CEP97: variants seen among roughly 807,000 people sequenced by gnomAD.
CEP97 encodes the protein centrosomal protein of 97 kDa.
A neutral mutation model predicts 73.1 loss-of-function variants in CEP97; 43 were observed. That is an observed-to-expected ratio of 0.59 (90% CI 0.46 to 0.76). The LOEUF is 0.76. Among genes scored for constraint, CEP97 ranks in the 30% least tolerant of loss-of-function variants. CEP97 has a pLI of 0.00. For synonymous variants in CEP97, 337 were observed against 370.0 expected (o/e 0.91, Z 1.02); for missense variants, 939 against 1,014.0 (o/e 0.93, Z 1.00).
rs1472766392 is a variant in CEP97 at position 101,766,789 on chromosome 3, CTA to C, written c.*1240_*1241del. 1 of 152,162 alleles carries C rather than the reference CTA, an allele frequency of 6.6e-6. No homozygotes were observed. The highest frequency in any genetic ancestry group is 2.4e-5 in the African/African-American group (1 of 41,426). 9.4% of individuals were successfully genotyped at this position (152,162 alleles called of 1,614,324 possible). On this transcript the variant is annotated 3_prime_UTR_variant, in exon 11 of 11. Coordinates refer to ENST00000341893, the MANE Select transcript of CEP97 (RefSeq NM_024548.4). ...CTTACAGACATACAGCTATTTAAAA[CTA>C]TGGCAATACTTAAGCATCTCTAAAT...
At chr3:101,730,698 T>C (rs1381404894) in intron 4 of CEP97, among the ~76,000 whole-genome samples, 1 of 152,074 alleles carries the variant, frequency 6.6e-6, no homozygotes, top group African/African-American at 2.4e-5. Context: ...TGGAGGGGAA[T>C]GTATCATGCA....
rs1379737523 is a variant in CEP97, at chr3:101,755,146, G to A, written c.729-284G>A. On this transcript the variant is annotated intron_variant, in intron 6 of 10. Transcript: ENST00000341893. The stretch of plus-strand genomic sequence containing the variant: ...CATTTCAGTGTGACAGAATGAATGG[G>A]GAGAATACTCATTGCTTCCTTGAAA... 4.6e-5 allele frequency among the ~76,000 whole-genome samples: 7 copies of A among 151,882 alleles called. No individual in the cohort carries two copies. The East Asian group carries it at 1.3e-3, about 29-fold the overall frequency.
At chr3:101,739,008 C>T (rs562592549) in intron 6 of CEP97, among the ~76,000 whole-genome samples, 7 of 152,220 alleles carry the variant, frequency 4.6e-5, no homozygotes, top group African/African-American at 1.7e-4. Flanking sequence ...CCGTTGATCC[C>T]ATAGAAATAC....
chr3:101,731,966 G>A lies in CEP97; in HGVS notation c.561+13G>A. 2 of 1,446,350 alleles carry A rather than the reference G, an allele frequency of 1.4e-6. No homozygotes were observed. Among genetic ancestry groups the A allele is most frequent in the Non-Finnish European group, 1.9e-6 (2 of 1,028,346 alleles). The allele number at this position is 1,446,350 out of a possible 1,614,324, so 89.6% of individuals were successfully genotyped here. ...AGACTTAAATGAGGTAAAATTTGAG[G>A]GTATTTTGTGAGATTCAGGAAGCTG... On this transcript the variant is annotated intron_variant, in intron 5 of 10. Coordinates refer to ENST00000341893, the MANE Select transcript of CEP97 (RefSeq NM_024548.4).
At chr3:101,755,087 A>G (rs1938966187) in intron 6 of CEP97, among the ~76,000 whole-genome samples, 1 of 151,960 alleles carries the variant, frequency 6.6e-6, no homozygotes, top group African/African-American at 2.4e-5. Flanking sequence ...GTCATTATGA[A>G]CTAATGGATT....
rs1939409535 is a variant in CEP97 at position 101,769,583 on chromosome 3, T to A, written c.*4032T>A. ...CACCCACCTCGGCCTCGCAAAGTGC[T>A]GAGATTACAGGTGTGAGCCACTGTG... On this transcript the variant is annotated 3_prime_UTR_variant, in exon 11 of 11. Coordinates refer to ENST00000341893, the MANE Select transcript of CEP97 (RefSeq NM_024548.4). 1 of 152,180 alleles carries A rather than the reference T, an allele frequency of 6.6e-6. No individual in the cohort carries two copies. Among genetic ancestry groups the A allele is most frequent in the Non-Finnish European group, 1.5e-5 (1 of 68,076 alleles). The allele number at this position is 152,180 out of a possible 1,614,324, so 9.4% of individuals were successfully genotyped here.
chr3:101,761,105 G>A (rs964602160), intron 9 of CEP97, among the ~76,000 whole-genome samples: 11 of 152,014 alleles, frequency 7.2e-5, no homozygotes, highest in African/African-American at 2.7e-4. Context: ...GACCTCAGGT[G>A]ATCCTCCTGC....
chr3:101,758,214 A>G lies in CEP97; in HGVS notation c.1608A>G (p.Lys536=). Residue 536 remains lysine, a synonymous_variant, in exon 9 of 11, where the codon AAA becomes AAG. Transcript: ENST00000341893. Reference sequence around the variant, plus strand: ...CCATATCTCAAGCAACTTCAGAGAAACTTCCCATGATTTTAACCCAGAGAT... The same window carrying G: ...CCATATCTCAAGCAACTTCAGAGAAGCTTCCCATGATTTTAACCCAGAGAT... ...KETISQATSE[K]LPMILTQRSV... is the part of the protein sequence containing the mutation. The G allele has an allele frequency of 6.2e-7, 1 of 1,614,216 alleles. No homozygotes were observed. The highest frequency in any genetic ancestry group is 8.5e-7 in the Non-Finnish European group (1 of 1,180,042).
At chr3:101,759,929 T>G (rs1298719073) in intron 9 of CEP97, among the ~76,000 whole-genome samples, 1 of 146,176 alleles carries the variant, frequency 6.8e-6, no homozygotes, top group African/African-American at 2.6e-5. Flanking sequence ...GAATCTAGAT[T>G]AAAGGAACAT....
intron 4 of CEP97, among the ~76,000 whole-genome samples, chr3:101,729,198 A>G (rs902542619): frequency 9.2e-5 from 14 of 152,056 alleles, no homozygotes; most frequent in African/African-American, 3.4e-4. Flanking sequence ...ACCAAAAATT[A>G]GTGGGGCATA....
chr3:101,726,208 T>C (rs761169210), intron 1 of CEP97, among the ~76,000 whole-genome samples: 1 of 152,238 alleles, frequency 6.6e-6, no homozygotes, highest in African/African-American at 2.4e-5. Context: ...GTTTGGGCAC[T>C]TTAGGATATA....
In CEP97 at chr3:101,768,261, C is replaced by G. The variant is rs150933604; in HGVS notation, c.*2710C>G. ...GTTAAATGACTTGTCTAAGTTATAG[C>G]TAGTTAGTAGTAAATAAACTGAAAA... is the stretch of plus-strand genomic sequence containing the variant. On this transcript the variant is annotated 3_prime_UTR_variant, in exon 11 of 11. Transcript: ENST00000341893. 1 of 152,190 alleles carries G rather than the reference C, an allele frequency of 6.6e-6. No homozygotes were observed. The allele number at this position is 152,190 out of a possible 1,614,324, so 9.4% of individuals were successfully genotyped here. A position where few individuals can be genotyped will look rare whatever the true frequency, so the allele number is the denominator to read the frequency against.
At chr3:101,754,152 T>C (rs1332379737) in intron 6 of CEP97, among the ~76,000 whole-genome samples, 1 of 148,438 alleles carries the variant, frequency 6.7e-6, no homozygotes, top group Non-Finnish European at 1.5e-5. Flanking sequence ...CCCCACAAAG[T>C]GCTGGGATTA....
rs752789865 is a variant in CEP97, at chr3:101,757,860, A to G, written c.1254A>G (p.Thr418=). Reference sequence around the variant, plus strand: ...CAGGACTGTCTCCACTATCACCTACAGTTGAGCTGAGGCTGCAGGGCATTA... The same window carrying G: ...CAGGACTGTCTCCACTATCACCTACGGTTGAGCTGAGGCTGCAGGGCATTA... The part of the protein sequence containing the change: ...VASGLSPLSP[T]VELRLQGINL... The change falls in exon 9 of 11, where the codon ACA becomes ACG. Residue 418 remains threonine (T), a synonymous_variant. Coordinates refer to ENST00000341893, the MANE Select transcript of CEP97 (RefSeq NM_024548.4). 1 of 1,614,236 alleles carries G rather than the reference A, an allele frequency of 6.2e-7. No homozygotes were observed. Among genetic ancestry groups the G allele is most frequent in the East Asian group, 2.2e-5 (1 of 44,890 alleles).
chr3:101,732,648 A>C lies in CEP97; in HGVS notation c.722A>C (p.Lys241Thr). 6.2e-7 allele frequency: 1 copy of C among 1,603,896 alleles called. No homozygotes were observed. Among genetic ancestry groups the C allele is most frequent in the Non-Finnish European group, 8.5e-7 (1 of 1,173,016 alleles). ...CTAGATGGATATGTGATTTCTCAGA[A>C]GGAAAGGTAAACATGTGCTCTTTAA... ...RVLDGYVISQ[K>T]ESLKAEWLYS... The change falls in exon 6 of 11, where the codon AAG becomes ACG. Residue 241 changes from lysine to threonine, a missense_variant. Coordinates refer to ENST00000341893, the MANE Select transcript of CEP97 (RefSeq NM_024548.4).
chr3:101,746,889 A>C (rs1260594004), intron 6 of CEP97, among the ~76,000 whole-genome samples: 1 of 149,272 alleles, frequency 6.7e-6, no homozygotes, highest in African/African-American at 2.5e-5. Context: ...GACACTTCTC[A>C]AAAGAAGACA....
intron 9 of CEP97, among the ~76,000 whole-genome samples, chr3:101,759,683 A>C (rs1939116519): frequency 6.6e-6 from 1 of 152,218 alleles, no homozygotes; most frequent in Admixed American, 6.5e-5. Context: ...GTCAAGGGCC[A>C]GTCTTATCTT....
intron 6 of CEP97, among the ~76,000 whole-genome samples, chr3:101,744,412 C>T (rs1009850429): frequency 2.0e-5 from 3 of 151,912 alleles, no homozygotes; most frequent in Admixed American, 6.6e-5. Flanking sequence ...GGTGAAACCC[C>T]GTCTCTACTA....
chr3:101,764,509 G>A (rs954145032), intron 10 of CEP97, among the ~76,000 whole-genome samples: 1 of 152,122 alleles, frequency 6.6e-6, no homozygotes, highest in East Asian at 1.9e-4. Context: ...TACTTGGGAA[G>A]CTGAGGCAGG....
Sources: gnomAD v4.1 joint callset for allele counts (sites outside exome capture counted in the v4.1 genomes callset) on GRCh38, gnomAD v4.1.1 for gene constraint, MANE v1.5 for transcripts, NCBI Gene and HGNC (gene_info 2026-07-23, HGNC 2026-07-21) for gene names.